CREM: variants seen among roughly 807,000 people sequenced by gnomAD.
CREM encodes the protein cAMP responsive element modulator, also known as cAMP-responsive element modulator.
CREM carries 13 observed loss-of-function variants against 37.3 expected under a neutral mutation model. The ratio of observed to expected loss-of-function variants is 0.35; its 90% CI spans 0.23 to 0.55. CREM has a LOEUF of 0.55. CREM is among the 20% of genes least tolerant of loss of function. The pLI is 0.88. For missense variants in CREM, 296 were observed against 362.3 expected, an observed-to-expected ratio of 0.82 and a Z score of 1.49; for synonymous variants, 124 against 120.2, an observed-to-expected ratio of 1.03 and a Z score of -0.21.
At chr10:35,180,052 G>C (rs993275745) in intron 5 of CREM, among the ~76,000 whole-genome samples, 2 of 152,128 alleles carry the variant, frequency 1.3e-5, no homozygotes, top group African/African-American at 4.8e-5. Context: ...CCTTTCTGAA[G>C]TATAAATTGT....
chr10:35,175,609 C>T lies in CREM; in HGVS notation c.169-3280C>T. The T allele has an allele frequency of 2.0e-6, 3 of 1,534,004 alleles. No homozygotes were observed. In the South Asian group the frequency reaches 3.4e-5, roughly 17 times the overall value. On this transcript the variant is annotated intron_variant, in intron 3 of 7. Coordinates refer to ENST00000685392, the MANE Select transcript of CREM (RefSeq NM_183011.2). ...TTTGTGCTTGGAACATTCTTAGCCA[C>T]CGAAGTATGGGCACCAAAAGCGATA...
chr10:35,211,511 T>G lies in CREM; in HGVS notation c.*113T>G. The stretch of plus-strand genomic sequence containing the variant: ...ACGTGTGACCCTTAAGAATCCAGTT[T>G]GGATTAGTGTTTGAAATTGAATTGG... On this transcript the variant is annotated 3_prime_UTR_variant, in exon 8 of 8. Coordinates refer to ENST00000685392, the MANE Select transcript of CREM (RefSeq NM_183011.2). 1 of 1,501,678 alleles carries G rather than the reference T, an allele frequency of 6.7e-7. No homozygotes were observed. Among genetic ancestry groups the G allele is most frequent in the Non-Finnish European group, 9.0e-7 (1 of 1,112,822 alleles). The allele number at this position is 1,501,678 out of a possible 1,614,324, so 93.0% of individuals were successfully genotyped here. A position where few individuals can be genotyped will look rare whatever the true frequency, so the allele number is the denominator to read the frequency against.
intron 3 of CREM, among the ~76,000 whole-genome samples, chr10:35,168,644 T>G (rs1204468128): frequency 1.3e-5 from 2 of 152,260 alleles, no homozygotes; most frequent in Non-Finnish European, 2.9e-5. Flanking sequence ...GCCATTGCTT[T>G]TTGTATTTTA....
chr10:35,162,669 C>T (rs2093354999), intron 3 of CREM, among the ~76,000 whole-genome samples: 1 of 152,066 alleles, frequency 6.6e-6, no homozygotes, highest in East Asian at 1.9e-4. Flanking sequence ...TCTAGGAAGC[C>T]GCTGTCATCC....
intron 3 of CREM, among the ~76,000 whole-genome samples, chr10:35,176,509 G>A (rs564259442): frequency 2.0e-5 from 3 of 150,122 alleles, no homozygotes; most frequent in South Asian, 4.2e-4. Flanking sequence ...CCGGGTTCAC[G>A]CCATTCTCCT....
chr10:35,144,374 A>G (rs2091823287), intron 2 of CREM, among the ~76,000 whole-genome samples: 1 of 152,198 alleles, frequency 6.6e-6, no homozygotes, highest in Non-Finnish European at 1.5e-5. Context: ...GCCTGAATGG[A>G]TGATGATACT....
At chr10:35,138,005 ACTCAAAT>A in intron 2 of CREM, 126 bp downstream of exon 2, 1 of 570,234 alleles carries the variant, frequency 1.8e-6, no homozygotes, top group Non-Finnish European at 2.7e-6. Flanking sequence ...TATAATATAT[ACTCAAAT>A]TATTCAGCCA....
intron 5 of CREM, among the ~76,000 whole-genome samples, chr10:35,186,573 CTT>C (rs1022762282): frequency 1.4e-5 from 2 of 147,812 alleles, no homozygotes; most frequent in Admixed American, 1.4e-4. Context: ...GTTTTCTAGA[CTT>C]TAGCTTTATA....
At chr10:35,156,693 C>G (rs761226746) in intron 3 of CREM, among the ~76,000 whole-genome samples, 1 of 152,162 alleles carries the variant, frequency 6.6e-6, no homozygotes, top group Non-Finnish European at 1.5e-5. Context: ...TCATAGTGCT[C>G]TCCACAAATG....
At chr10:35,167,644 C>T (rs988626196) in intron 3 of CREM, 4 of 1,422,618 alleles carry the variant, frequency 2.8e-6, no homozygotes, top group Non-Finnish European at 3.9e-6. Context: ...TTTTTAATTG[C>T]AAAGCCAAAT....
intron 3 of CREM, among the ~76,000 whole-genome samples, chr10:35,174,217 G>T (rs938282935): frequency 2.0e-5 from 3 of 152,046 alleles, no homozygotes; most frequent in Non-Finnish European, 4.4e-5. Context: ...TCAAGCTCTG[G>T]CATCTACATA....
intron 1 of CREM, among the ~76,000 whole-genome samples, chr10:35,128,507 G>T (rs1013124043): frequency 6.7e-6 from 1 of 150,154 alleles, no homozygotes; most frequent in East Asian, 1.9e-4. Flanking sequence ...TGCTTTGAGC[G>T]CCACGTTTTT....
chr10:35,145,680 A>G (rs57081218), intron 2 of CREM, among the ~76,000 whole-genome samples: 56,137 of 150,816 alleles, frequency 0.37, 10,574 homozygotes, highest in African/African-American at 0.43. Flanking sequence ...GTGGGAGGCT[A>G]AGGCCAGAGA....
At chr10:35,186,928 T>C (rs1253553707) in intron 5 of CREM, among the ~76,000 whole-genome samples, 37 of 102,806 alleles carry the variant, frequency 3.6e-4, no homozygotes, top group African/African-American at 1.5e-3. Context: ...ATATATGTTA[T>C]ATATAAATAC....
At chr10:35,167,591 C>A in intron 3 of CREM, 1 of 801,350 alleles carries the variant, frequency 1.2e-6, no homozygotes, top group Non-Finnish European at 2.1e-6. Flanking sequence ...TGTGTTACAA[C>A]ACTGTGAGGT....
At chr10:35,200,055 A>G (rs2095338525) in intron 6 of CREM, among the ~76,000 whole-genome samples, 1 of 151,656 alleles carries the variant, frequency 6.6e-6, no homozygotes, top group Admixed American at 6.6e-5. Flanking sequence ...ACACCCGGCT[A>G]ATTTTGCATT....
intron 3 of CREM, chr10:35,175,715 CTAGA>C: frequency 6.2e-7 from 1 of 1,614,052 alleles, no homozygotes; most frequent in Non-Finnish European, 8.5e-7. Context: ...GGTAAGTATC[CTAGA>C]TAGTTTGTCA....
At chr10:35,154,751 T>G (rs1318880054) in intron 3 of CREM, among the ~76,000 whole-genome samples, 1 of 152,156 alleles carries the variant, frequency 6.6e-6, no homozygotes, top group Non-Finnish European at 1.5e-5. Flanking sequence ...TATTATAAAA[T>G]GTTCCTTAGT....
intron 3 of CREM, among the ~76,000 whole-genome samples, chr10:35,172,918 A>G (rs761071935): frequency 5.3e-5 from 8 of 152,230 alleles, no homozygotes; most frequent in African/African-American, 9.6e-5. Flanking sequence ...GAAACAACTC[A>G]TGGTGTTTAT....
Sources: allele counts gnomAD v4.1 joint callset (sites outside exome capture counted in the v4.1 genomes callset), GRCh38; gene constraint gnomAD v4.1.1; transcripts MANE v1.5; gene names NCBI Gene and HGNC (gene_info 2026-07-23, HGNC 2026-07-21).